Variants in NEO1 observed in about 807,000 individuals in gnomAD.
NEO1 encodes neogenin.
NEO1 carries 63 observed loss-of-function variants against 159.7 expected under a neutral mutation model. That is an observed-to-expected ratio of 0.39 (90% CI 0.32 to 0.49). The LOEUF (loss-of-function observed/expected upper bound fraction) is 0.49, where lower values mean the gene tolerates loss of function less well. NEO1 is among the 20% of genes least tolerant of loss of function. The pLI is 0.85. For missense variants in NEO1, 1,615 were observed against 1,831.0 expected, an observed-to-expected ratio of 0.88 and a Z score of 2.15; for synonymous variants, 633 against 662.0, an observed-to-expected ratio of 0.96 and a Z score of 0.67.
chr15:73,163,923 C>G (rs1001127742), intron 5 of NEO1, among the ~76,000 whole-genome samples: 6 of 152,098 alleles, frequency 3.9e-5, no homozygotes, highest in Non-Finnish European at 4.4e-5. Context: ...TCTGAGTAGA[C>G]AGTCATTGTC....
chr15:73,108,998 G>A (rs940250950), intron 1 of NEO1, among the ~76,000 whole-genome samples: 1 of 152,116 alleles, frequency 6.6e-6, no homozygotes, highest in Non-Finnish European at 1.5e-5. Context: ...GGCAGGCCAT[G>A]GTAATGAATT....
chr15:73,091,152 T>C lies in NEO1; in HGVS notation c.131-25388T>C, dbSNP rs143820518. ...GTGACTGTGTAATAACAGCATACCA[T>C]AATTTACTTAGCCGTTTTCCTGGTT... On this transcript the variant is annotated intron_variant, in intron 1 of 28. Coordinates refer to ENST00000261908, the MANE Select transcript of NEO1 (RefSeq NM_002499.4). 6.9e-3 allele frequency among the ~76,000 whole-genome samples: 1,058 copies of C among 152,312 alleles called. 14 individuals are homozygous for C. The highest frequency in any genetic ancestry group is 0.024 in the African/African-American group (1,015 of 41,564).
intron 9 of NEO1, among the ~76,000 whole-genome samples, chr15:73,247,641 A>G (rs577465776): frequency 6.6e-6 from 1 of 152,370 alleles, no homozygotes; most frequent in East Asian, 1.9e-4. Flanking sequence ...GTTATTCAGG[A>G]AAGCCAGTGT....
At chr15:73,094,351 C>T (rs1405588869) in intron 1 of NEO1, among the ~76,000 whole-genome samples, 1 of 152,198 alleles carries the variant, frequency 6.6e-6, no homozygotes, top group Middle Eastern at 3.2e-3. Flanking sequence ...TTTTACTTAG[C>T]ATGATGTTTT....
At chr15:73,257,984 C>T (rs1281024323) in intron 13 of NEO1, among the ~76,000 whole-genome samples, 1 of 152,156 alleles carries the variant, frequency 6.6e-6, no homozygotes, top group African/African-American at 2.4e-5. Context: ...TCAGGATGGG[C>T]CTACCAACTC....
At chr15:73,298,243 G>A (rs2042457156) in intron 26 of NEO1, 105 bp from the exon 27 acceptor site, 3 of 1,371,576 alleles carry the variant, frequency 2.2e-6, no homozygotes, top group East Asian at 2.4e-5. Flanking sequence ...CTGATCGCAA[G>A]TGCTATTGAG....
At chr15:73,072,196 C>A (rs1005198868) in intron 1 of NEO1, among the ~76,000 whole-genome samples, 1 of 152,116 alleles carries the variant, frequency 6.6e-6, no homozygotes, top group Non-Finnish European at 1.5e-5. Flanking sequence ...GGTGATCTGC[C>A]TGCCTCGGCT....
In NEO1 at chr15:73,266,442, C is replaced by A. The variant is rs772006959; in HGVS notation, c.2494+31C>A. On this transcript the variant is annotated intron_variant, in intron 16 of 28. Coordinates refer to ENST00000261908, the MANE Select transcript of NEO1 (RefSeq NM_002499.4). ...GTATCCTATCTTTCCTAGTCTCCAG[C>A]ACTTTTCCTAGCAGCTTAGGCAGAA... 7 of 1,540,826 alleles carry A rather than the reference C, an allele frequency of 4.5e-6. No individual in the cohort carries two copies. The African/African-American group carries it at 5.5e-5, about 12-fold the overall frequency.
chr15:73,228,958 C>T (rs987419260), intron 7 of NEO1, among the ~76,000 whole-genome samples: 6 of 152,074 alleles, frequency 3.9e-5, no homozygotes, highest in African/African-American at 1.4e-4. Flanking sequence ...GTCTTGATTA[C>T]TGTAGCTTTA....
chr15:73,246,426 T>C (rs1026429877), intron 9 of NEO1, among the ~76,000 whole-genome samples: 1 of 152,182 alleles, frequency 6.6e-6, no homozygotes, highest in Non-Finnish European at 1.5e-5. Context: ...AGGAATACTC[T>C]ATTAGGTTTC....
intron 16 of NEO1, among the ~76,000 whole-genome samples, chr15:73,267,210 A>G (rs1282902280): frequency 6.6e-6 from 1 of 152,222 alleles, no homozygotes; most frequent in African/African-American, 2.4e-5. Context: ...ATGAGCCAAG[A>G]TCGTGCCACT....
intron 1 of NEO1, among the ~76,000 whole-genome samples, chr15:73,089,542 T>C (rs980826868): frequency 1.3e-5 from 2 of 151,422 alleles, no homozygotes; most frequent in Middle Eastern, 6.8e-3. Context: ...AAATAACAAA[T>C]GCGTTAAAAA....
At chr15:73,275,137 T>C (rs1366022719) in intron 21 of NEO1, among the ~76,000 whole-genome samples, 3 of 152,236 alleles carry the variant, frequency 2.0e-5, no homozygotes, top group South Asian at 2.1e-4. Context: ...TAGAATTTTA[T>C]TAGTGTCTTT....
At chr15:73,131,200 A>G (rs2031078453) in intron 4 of NEO1, among the ~76,000 whole-genome samples, 1 of 152,246 alleles carries the variant, frequency 6.6e-6, no homozygotes, top group Non-Finnish European at 1.5e-5. Context: ...CATGCCAAGA[A>G]CCAGGAAAAT....
intron 1 of NEO1, among the ~76,000 whole-genome samples, chr15:73,084,051 G>A (rs530968288): frequency 5.3e-5 from 8 of 151,558 alleles, no homozygotes; most frequent in African/African-American, 1.7e-4. Flanking sequence ...AAAATATATA[G>A]GGATTGTGGA....
At chr15:73,182,696 G>A (rs1438838983) in intron 7 of NEO1, among the ~76,000 whole-genome samples, 1 of 152,090 alleles carries the variant, frequency 6.6e-6, no homozygotes, top group Non-Finnish European at 1.5e-5. Flanking sequence ...CATGTCGTGA[G>A]ATTTACTCAC....
chr15:73,115,436 T>G (rs1466255053), intron 1 of NEO1, among the ~76,000 whole-genome samples: 2 of 152,362 alleles, frequency 1.3e-5, no homozygotes, highest in East Asian at 3.9e-4. Flanking sequence ...GGAAAACTTT[T>G]AAAACAATTG....
intron 1 of NEO1, among the ~76,000 whole-genome samples, chr15:73,088,880 T>A (rs1168273392): frequency 1.3e-5 from 2 of 151,972 alleles, no homozygotes. Context: ...CTAGAAAAAC[T>A]CCTAAGAAGA....
At chr15:73,220,039 C>T (rs993073051) in intron 7 of NEO1, among the ~76,000 whole-genome samples, 1 of 152,000 alleles carries the variant, frequency 6.6e-6, no homozygotes, top group Admixed American at 6.6e-5. Context: ...TACATTTTGG[C>T]ATGGTTTTGC....
Sources: allele counts gnomAD v4.1 joint callset (sites outside exome capture counted in the v4.1 genomes callset), GRCh38; gene constraint gnomAD v4.1.1; transcripts MANE v1.5; gene names NCBI Gene and HGNC (gene_info 2026-07-23, HGNC 2026-07-21).